Variants in SNX29 observed in about 807,000 individuals in gnomAD.
SNX29 encodes sorting nexin 29, also known as sorting nexin-29.
Under a neutral mutation model 102.1 loss-of-function variants are expected in SNX29, and 78 were observed. The ratio of observed to expected loss-of-function variants is 0.76; its 90% CI spans 0.64 to 0.92. The LOEUF (loss-of-function observed/expected upper bound fraction) is 0.92, where lower values mean the gene tolerates loss of function less well. Ranked by LOEUF, SNX29 falls within the 40% of genes least tolerant of loss-of-function variation. The pLI, the probability that SNX29 is intolerant of heterozygous loss-of-function variation, is 0.00. For missense variants in SNX29, 1,280 were observed against 1,061.7 expected (o/e 1.21, Z -2.86); for synonymous variants, 580 against 414.5 (o/e 1.40, Z -4.85).
At chr16:12,122,368 G>T (rs1405067203) in intron 11 of SNX29, among the ~76,000 whole-genome samples, 1 of 152,136 alleles carries the variant, frequency 6.6e-6, no homozygotes, top group Non-Finnish European at 1.5e-5. Flanking sequence ...GGGTGGGTGG[G>T]ACTGGAGGCC....
intron 3 of SNX29, among the ~76,000 whole-genome samples, chr16:12,014,642 G>T (rs752088256): frequency 6.8e-6 from 1 of 147,582 alleles, no homozygotes; most frequent in Non-Finnish European, 1.5e-5. Flanking sequence ...TGAGGCAGAA[G>T]AATTGCTTGA....
rs2079037367 is a variant in SNX29 at position 12,269,828 on chromosome 16, TCATCATCAC to T, written c.1679-8096_1679-8088del. Reference sequence around the variant, plus strand: ...TCCATTTTACTTTACATCATCATCATCATCATCACCATCATCATCATCATCATCATCATT... The same window carrying T: ...TCCATTTTACTTTACATCATCATCATCATCATCATCATCATCATCATCATT... On this transcript the variant is annotated intron_variant, in intron 14 of 20. Coordinates refer to ENST00000566228, the MANE Select transcript of SNX29 (RefSeq NM_032167.5). Among the ~76,000 whole-genome samples, 10 of 140,512 alleles carry T rather than the reference TCATCATCAC, an allele frequency of 7.1e-5. No homozygotes were observed. In the Admixed American group the frequency reaches 7.4e-4, roughly 10 times the overall value. 92.2% of individuals were successfully genotyped at this position (140,512 alleles called of 152,430 possible).
chr16:12,277,840 T>A, intron 14 of SNX29, 93 bp from the exon 15 acceptor site: 1 of 1,042,816 alleles, frequency 9.6e-7, no homozygotes, highest in Non-Finnish European at 1.4e-6. Context: ...CAGTCTGAAG[T>A]CATCTGAGAA....
At chr16:12,393,265 G>C (rs1454029834) in intron 16 of SNX29, among the ~76,000 whole-genome samples, 1 of 152,016 alleles carries the variant, frequency 6.6e-6, no homozygotes, top group Non-Finnish European at 1.5e-5. Context: ...TCTTTCTTTG[G>C]TTCTTTTTTT....
intron 3 of SNX29, among the ~76,000 whole-genome samples, chr16:12,014,922 T>C (rs749069432): frequency 2.2e-4 from 34 of 152,240 alleles, no homozygotes; most frequent in Admixed American, 1.7e-3. Flanking sequence ...TTGTGAGTTA[T>C]CACTGTTGCA....
intron 20 of SNX29, chr16:12,527,337 C>A (rs201464597): frequency 9.6e-6 from 5 of 521,662 alleles, no homozygotes; most frequent in South Asian, 4.7e-5. Context: ...GAAAGCTGAG[C>A]CTGAGAGATT....
At chr16:12,403,112 G>T (rs1222597460) in intron 17 of SNX29, among the ~76,000 whole-genome samples, 2 of 152,030 alleles carry the variant, frequency 1.3e-5, no homozygotes, top group Non-Finnish European at 2.9e-5. Context: ...TTCAGATGTG[G>T]AGACTGAGGT....
At chr16:12,284,538 C>G (rs2079532937) in intron 15 of SNX29, among the ~76,000 whole-genome samples, 1 of 152,196 alleles carries the variant, frequency 6.6e-6, no homozygotes, top group African/African-American at 2.4e-5. Context: ...GGTACATGAC[C>G]TGAGCTAGGC....
intron 20 of SNX29, among the ~76,000 whole-genome samples, chr16:12,531,191 C>G (rs1011827804): frequency 6.6e-6 from 1 of 152,210 alleles, no homozygotes; most frequent in Non-Finnish European, 1.5e-5. Flanking sequence ...GTGTGCAGAA[C>G]AGCTGCAAGA....
intron 15 of SNX29, among the ~76,000 whole-genome samples, chr16:12,328,895 G>A (rs949873438): frequency 6.6e-6 from 1 of 152,100 alleles, no homozygotes; most frequent in Non-Finnish European, 1.5e-5. Flanking sequence ...GCGATGTGAT[G>A]TCGGGACACT....
At chr16:11,979,745 G>A (rs1480732499) in intron 1 of SNX29, among the ~76,000 whole-genome samples, 23 of 152,092 alleles carry the variant, frequency 1.5e-4, no homozygotes, top group Middle Eastern at 3.4e-3. Context: ...CACCATGCCC[G>A]GCTGAGTTTT....
intron 9 of SNX29, among the ~76,000 whole-genome samples, chr16:12,064,291 GTCTT>G (rs2050918369): frequency 1.3e-5 from 2 of 152,146 alleles, no homozygotes; most frequent in African/African-American, 4.8e-5. Context: ...TTGGGCTTTG[GTCTT>G]AGAGAACCCA....
At chr16:12,411,764 G>A (rs117645457) in intron 18 of SNX29, among the ~76,000 whole-genome samples, 5,377 of 152,268 alleles carry the variant, frequency 0.035, 158 homozygotes, top group South Asian at 0.064. Context: ...GAACAAGGAG[G>A]AGGGACGGGA....
chr16:12,282,943 C>T (rs1221892941), intron 15 of SNX29, among the ~76,000 whole-genome samples: 3 of 152,326 alleles, frequency 2.0e-5, no homozygotes, highest in East Asian at 3.9e-4. Context: ...AGGCGTGAGC[C>T]ACTGCACTCG....
At chr16:11,986,892 C>A (rs2055650197) in intron 1 of SNX29, among the ~76,000 whole-genome samples, 2 of 152,176 alleles carry the variant, frequency 1.3e-5, no homozygotes, top group East Asian at 1.9e-4. Context: ...AAAAAGTCAG[C>A]AGCTGGATTT....
At chr16:12,023,129 T>A (rs1476161895) in intron 3 of SNX29, among the ~76,000 whole-genome samples, 3 of 152,076 alleles carry the variant, frequency 2.0e-5, no homozygotes. Flanking sequence ...ACTCCTGACC[T>A]CAAGTGATCT....
intron 10 of SNX29, among the ~76,000 whole-genome samples, chr16:12,075,791 G>A (rs1024317409): frequency 6.6e-6 from 1 of 152,226 alleles, no homozygotes; most frequent in Non-Finnish European, 1.5e-5. Context: ...GAGGCAGGCA[G>A]GCCTCCTTGA....
intron 14 of SNX29, among the ~76,000 whole-genome samples, chr16:12,205,054 C>A (rs866957348): frequency 1.3e-5 from 2 of 152,220 alleles, no homozygotes; most frequent in African/African-American, 4.8e-5. Flanking sequence ...GTTTCCCCGG[C>A]CTTCCAAAGA....
chr16:12,339,370 CAA>C lies in SNX29; in HGVS notation c.1783-16770_1783-16769del, dbSNP rs58148692. On this transcript the variant is annotated intron_variant, in intron 15 of 20. Coordinates refer to ENST00000566228, the MANE Select transcript of SNX29 (RefSeq NM_032167.5). ...TGGGCGACAGAGTGAGATTCTGTCT[CAA>C]AAAAAAAAAAAAAAAAAAAAAAGAT... Among the ~76,000 whole-genome samples, 61 of 56,280 alleles carry C rather than the reference CAA, an allele frequency of 1.1e-3. 1 individual carries two copies. The highest frequency in any genetic ancestry group is 3.1e-3 in the Admixed American group (12 of 3,862). The allele number at this position is 56,280 out of a possible 152,430, so 36.9% of individuals were successfully genotyped here. A position where few individuals can be genotyped will look rare whatever the true frequency, so the allele number is the denominator to read the frequency against.
Sources: allele counts gnomAD v4.1 joint callset (sites outside exome capture counted in the v4.1 genomes callset), GRCh38; gene constraint gnomAD v4.1.1; transcripts MANE v1.5; gene names NCBI Gene and HGNC (gene_info 2026-07-23, HGNC 2026-07-21).